The following SHROOM4 variants were observed in gnomAD, a reference collection of about 807,000 sequenced individuals.
SHROOM4 encodes protein Shroom4.
In SHROOM4, 17 loss-of-function variants were observed where a neutral mutation model predicts 80.3. That is an observed-to-expected ratio of 0.21 (90% CI 0.14 to 0.32). The LOEUF (loss-of-function observed/expected upper bound fraction) is 0.32, where lower values mean the gene tolerates loss of function less well. SHROOM4 is among the 10% of genes least tolerant of loss of function. The pLI, the probability that SHROOM4 is intolerant of heterozygous loss-of-function variation, is 1.00. For synonymous variants in SHROOM4, 400 were observed against 437.5 expected (o/e 0.91, Z 1.07); for missense variants, 993 against 1,140.3 (o/e 0.87, Z 1.86).
At chrX:50,650,609 C>T (rs958228605) in intron 2 of SHROOM4, among the ~76,000 whole-genome samples, 13 of 109,845 alleles carry the variant, frequency 1.2e-4, no homozygotes, top group Admixed American at 5.8e-4. Flanking sequence ...CCGCCCACCT[C>T]GATCTCCCAA....
chrX:50,744,736 TCCCAC>T (rs1934739985), intron 1 of SHROOM4, among the ~76,000 whole-genome samples: 1 of 111,928 alleles, frequency 8.9e-6, no homozygotes. Flanking sequence ...TGTTTACCTA[TCCCAC>T]CCCCATAACC....
intron 1 of SHROOM4, among the ~76,000 whole-genome samples, chrX:50,709,582 A>G (rs183009352): frequency 2.9e-4 from 32 of 112,140 alleles, no homozygotes; most frequent in Non-Finnish European, 3.6e-4. Context: ...TAGGGTCATA[A>G]TAAGTCCAGT....
intron 2 of SHROOM4, among the ~76,000 whole-genome samples, chrX:50,658,251 A>G (rs1421389150): frequency 9.0e-6 from 1 of 111,211 alleles, no homozygotes; most frequent in Non-Finnish European, 1.9e-5. Context: ...ACGAACTAAG[A>G]CACCTTCCCA....
chrX:50,782,164 C>T (rs782528609), intron 1 of SHROOM4, among the ~76,000 whole-genome samples: 3 of 109,871 alleles, frequency 2.7e-5, no homozygotes, highest in Non-Finnish European at 5.7e-5. Context: ...GCTGAGATCA[C>T]GCCACTGCAC....
chrX:50,635,959 C>A (rs782511160), intron 3 of SHROOM4, among the ~76,000 whole-genome samples: 1 of 111,080 alleles, frequency 9.0e-6, no homozygotes, highest in Non-Finnish European at 1.9e-5. Flanking sequence ...ATTAGCAAGT[C>A]TGAAATTGCT....
chrX:50,595,382 C>T lies in SHROOM4; in HGVS notation c.*1313G>A, dbSNP rs1439827818. 8.4e-6 allele frequency: 1 copy of T among 118,580 alleles called. No individual in the cohort carries two copies. Among genetic ancestry groups the T allele is most frequent in the African/African-American group, 3.2e-5 (1 of 30,845 alleles). 9.8% of individuals were successfully genotyped at this position (118,580 alleles called of 1,213,427 possible). On this transcript the variant is annotated 3_prime_UTR_variant, in exon 9 of 9. Coordinates refer to ENST00000376020, the MANE Select transcript of SHROOM4 (RefSeq NM_020717.5). ...CCCAGCTACCTTGAGTTTTGGTTCC[C>T]TTGAGCCAGGCCACAGGCTGAGAAA...
At chrX:50,679,140 A>G (rs1311032211) in intron 2 of SHROOM4, among the ~76,000 whole-genome samples, 2 of 110,730 alleles carry the variant, frequency 1.8e-5, no homozygotes, top group Non-Finnish European at 3.8e-5. Flanking sequence ...CTCCTCCTAC[A>G]TTTCTGAGTG....
rs782408919 is a variant in SHROOM4, at chrX:50,800,788, A to T, written c.117+13114T>A. On this transcript the variant is annotated intron_variant, in intron 1 of 8. Transcript: ENST00000376020. The stretch of plus-strand genomic sequence containing the variant: ...GTAGTTTGGGCTCTATTCTACAGGC[A>T]GCAGGGAACCATTAAATAATTTTAA... Among the ~76,000 whole-genome samples, 11 of 110,992 alleles carry T rather than the reference A, an allele frequency of 9.9e-5. No individual in the cohort carries two copies. The South Asian group carries it at 1.2e-3, about 12-fold the overall frequency.
intron 1 of SHROOM4, among the ~76,000 whole-genome samples, chrX:50,721,474 A>G (rs1462051733): frequency 8.9e-6 from 1 of 111,893 alleles, no homozygotes; most frequent in Non-Finnish European, 1.9e-5. Flanking sequence ...GTAAACTGTC[A>G]TGGTGCTGGA....
Position 50,591,933 on chromosome X carries a change from G to A in SHROOM4, c.*4762C>T. Reference sequence around the variant, plus strand: ...AGGGTTTCACCGTGTTAGCCAGGATGGTCTTGATCTCCTGACCTCGTGATC... The same window carrying A: ...AGGGTTTCACCGTGTTAGCCAGGATAGTCTTGATCTCCTGACCTCGTGATC... On this transcript the variant is annotated 3_prime_UTR_variant, in exon 9 of 9. Coordinates refer to ENST00000376020, the MANE Select transcript of SHROOM4 (RefSeq NM_020717.5). The A allele has an allele frequency of 3.0e-6, 1 of 329,002 alleles. No individual in the cohort carries two copies. The highest frequency in any genetic ancestry group is 5.9e-6 in the Non-Finnish European group (1 of 169,767). 27.1% of individuals were successfully genotyped at this position (329,002 alleles called of 1,213,427 possible).
intron 2 of SHROOM4, among the ~76,000 whole-genome samples, chrX:50,694,647 T>C (rs1420609307): frequency 1.0e-5 from 1 of 99,193 alleles, no homozygotes; most frequent in Non-Finnish European, 2.0e-5. Context: ...AGAGCTATAA[T>C]GTTAAATGCC....
rs782003342 is a variant in SHROOM4 at position 50,789,106 on chromosome X, C to A, written c.117+24796G>T. On this transcript the variant is annotated intron_variant, in intron 1 of 8. Coordinates refer to ENST00000376020, the MANE Select transcript of SHROOM4 (RefSeq NM_020717.5). The stretch of plus-strand genomic sequence containing the variant: ...CTACTTTCAATAGTGGATGGAACAT[C>A]CAGACAGATGATCAAAAGGAAACAG... Among the ~76,000 whole-genome samples, 8 of 111,625 alleles carry A rather than the reference C, an allele frequency of 7.2e-5. 1 individual carries two copies. Among genetic ancestry groups the A allele is most frequent in the Middle Eastern group, 9.4e-3 (2 of 213 alleles).
chrX:50,633,683 T>C lies in SHROOM4; in HGVS notation c.2390A>G (p.Asn797Ser). The C allele has an allele frequency of 2.5e-6, 3 of 1,211,961 alleles. No homozygotes were observed. Among genetic ancestry groups the C allele is most frequent in the South Asian group, 1.8e-5 (1 of 56,997 alleles). The change falls in exon 4 of 9, where the codon AAC (asparagine) becomes AGC (serine). Residue 797 changes from asparagine to serine, a missense_variant. Physicochemically the swap from Asn to Ser is conservative, Grantham distance 46. Coordinates refer to ENST00000376020, the MANE Select transcript of SHROOM4 (RefSeq NM_020717.5). ...TTTTGGTCTCTGGGTAAAAGTCTTGTTGCTATGAGTGGTTAAACCTGGCAA... is the reference window on the plus strand; with the variant it reads ...TTTTGGTCTCTGGGTAAAAGTCTTGCTGCTATGAGTGGTTAAACCTGGCAA... ...SHLPGLTTHS[N>S]KTFTQRPKPI... is the part of the protein sequence containing the mutation.
At chrX:50,728,735 A>T (rs911433037) in intron 1 of SHROOM4, among the ~76,000 whole-genome samples, 1 of 112,198 alleles carries the variant, frequency 8.9e-6, no homozygotes, top group Non-Finnish European at 1.9e-5. Flanking sequence ...GTAAAAAAAA[A>T]TCATAAACAC....
At chrX:50,760,003 C>T (rs1475918825) in intron 1 of SHROOM4, among the ~76,000 whole-genome samples, 1 of 111,246 alleles carries the variant, frequency 9.0e-6, no homozygotes, top group African/African-American at 3.3e-5. Flanking sequence ...GGAGATTGTT[C>T]CACATACACT....
chrX:50,627,736 C>A, intron 4 of SHROOM4, 61 bp from the exon 5 acceptor site: 1 of 987,840 alleles, frequency 1.0e-6, no homozygotes, highest in Non-Finnish European at 1.4e-6. Flanking sequence ...TAGATGGCCT[C>A]AAAAATGTGA....
In SHROOM4 at chrX:50,586,865, A is replaced by T. The variant is rs1928768643; in HGVS notation, c.*9830T>A. Among the ~76,000 whole-genome samples, 3 of 111,317 alleles carry T rather than the reference A, an allele frequency of 2.7e-5. No individual in the cohort carries two copies. The highest frequency in any genetic ancestry group is 9.5e-5 in the Admixed American group (1 of 10,529). On this transcript the variant is annotated 3_prime_UTR_variant, in exon 9 of 9. Transcript: ENST00000376020. ...ATGTTTTGACATCCATTACATAGTG[A>T]AATGATTGCTACAGTCATGCAAATT...
intron 1 of SHROOM4, among the ~76,000 whole-genome samples, chrX:50,774,258 G>A (rs961079795): frequency 9.0e-6 from 1 of 111,428 alleles, no homozygotes; most frequent in African/African-American, 3.3e-5. Flanking sequence ...TCACACTGAA[G>A]AAGACACTCC....
intron 1 of SHROOM4, among the ~76,000 whole-genome samples, chrX:50,769,182 G>A (rs1220535761): frequency 9.2e-6 from 1 of 108,195 alleles, no homozygotes; most frequent in Non-Finnish European, 1.9e-5. Context: ...AGAGGAGGAA[G>A]GGAATGAAGG....
Sources: gnomAD v4.1 joint callset for allele counts (sites outside exome capture counted in the v4.1 genomes callset) on GRCh38, gnomAD v4.1.1 for gene constraint, MANE v1.5 for transcripts, NCBI Gene and HGNC (gene_info 2026-07-23, HGNC 2026-07-21) for gene names.